Variants in CSTPP1 observed in about 807,000 individuals in gnomAD.
The protein encoded by CSTPP1 is centriolar satellite-associated tubulin polyglutamylase complex regulator 1, also known as UPF0705 protein C11orf49.
At chr11:47,120,768 C>T in the CSTPP1 span, among the ~76,000 whole-genome samples, 1 of 152,164 alleles carries the variant, frequency 6.6e-6, no homozygotes, top group Admixed American at 6.6e-5. The surrounding 1 kb of genome is among the most constrained non-coding windows in gnomAD (Gnocchi z 4.2). Flanking sequence ...TATAGGACTG[C>T]TGCGAGACAT....
the CSTPP1 span, among the ~76,000 whole-genome samples, chr11:46,961,674 A>AT: frequency 6.6e-6 from 1 of 152,156 alleles, no homozygotes; most frequent in African/African-American, 2.4e-5. Flanking sequence ...CTTTGTACCT[A>AT]TTTTTTATTC....
the CSTPP1 span, among the ~76,000 whole-genome samples, chr11:47,099,851 G>A: frequency 6.6e-6 from 1 of 152,194 alleles, no homozygotes; most frequent in East Asian, 1.9e-4. Context: ...TAGCAAATCA[G>A]TATTGGAACA....
the CSTPP1 span, among the ~76,000 whole-genome samples, chr11:47,107,509 G>A: frequency 9.2e-5 from 14 of 152,162 alleles, no homozygotes; most frequent in Non-Finnish European, 1.5e-4. Context: ...TGAACCTAAT[G>A]AATGCAGTCC....
chr11:47,088,376 GT>G, the CSTPP1 span, among the ~76,000 whole-genome samples: 1 of 152,090 alleles, frequency 6.6e-6, no homozygotes, highest in Admixed American at 6.5e-5. Flanking sequence ...ACCGGTGTGG[GT>G]AGGACAAGAT....
At chr11:47,153,657 G>A in the CSTPP1 span, among the ~76,000 whole-genome samples, 3 of 152,314 alleles carry the variant, frequency 2.0e-5, no homozygotes, top group Middle Eastern at 0.01. Context: ...AACGAATGCA[G>A]TTAAATACCT....
the CSTPP1 span, among the ~76,000 whole-genome samples, chr11:47,127,755 T>C: frequency 6.6e-6 from 1 of 152,194 alleles, no homozygotes; most frequent in East Asian, 1.9e-4. Context: ...TCATTATTCA[T>C]ACCATTATTA....
At chr11:47,161,620 A>C in the CSTPP1 span, 4 of 1,613,364 alleles carry the variant, frequency 2.5e-6, no homozygotes, top group South Asian at 4.4e-5. Flanking sequence ...CTGAAGAGAC[A>C]GACGAGTCGG....
chr11:47,022,557 G>T, the CSTPP1 span, among the ~76,000 whole-genome samples: 1 of 151,064 alleles, frequency 6.6e-6, no homozygotes, highest in African/African-American at 2.4e-5. Flanking sequence ...TTTAGTAGAG[G>T]CAGGGTTTCA....
chr11:46,974,539 A>G, the CSTPP1 span, among the ~76,000 whole-genome samples: 4 of 149,624 alleles, frequency 2.7e-5, no homozygotes, highest in African/African-American at 9.8e-5. Context: ...AAAAAAAAAA[A>G]AAAGAAAGAA....
chr11:47,153,993 G>A, the CSTPP1 span, among the ~76,000 whole-genome samples: 2 of 151,894 alleles, frequency 1.3e-5, no homozygotes, highest in African/African-American at 4.8e-5. Flanking sequence ...GGGCTGGAGT[G>A]CAGTGGTGTG....
chr11:47,056,004 G>A, the CSTPP1 span, among the ~76,000 whole-genome samples: 1 of 152,158 alleles, frequency 6.6e-6, no homozygotes, highest in Non-Finnish European at 1.5e-5. Context: ...ATCTTTCCCA[G>A]TCCCTCACTC....
At chr11:47,117,885 T>C in the CSTPP1 span, among the ~76,000 whole-genome samples, 7 of 139,664 alleles carry the variant, frequency 5.0e-5, no homozygotes, top group African/African-American at 1.6e-4. Flanking sequence ...TTCTTTTTTT[T>C]TTTTTTTTTT....
At chr11:47,044,276 C>G in the CSTPP1 span, among the ~76,000 whole-genome samples, 40 of 152,160 alleles carry the variant, frequency 2.6e-4, no homozygotes, top group African/African-American at 9.4e-4. Flanking sequence ...TGTGAGCCAC[C>G]GCTCCTGGAC....
At chr11:46,988,849 C>T in the CSTPP1 span, among the ~76,000 whole-genome samples, 1 of 152,094 alleles carries the variant, frequency 6.6e-6, no homozygotes, top group Non-Finnish European at 1.5e-5. Context: ...TATACACCTA[C>T]TATGTACCCA....
chr11:46,995,361 G>A, the CSTPP1 span, among the ~76,000 whole-genome samples: 2 of 152,112 alleles, frequency 1.3e-5, no homozygotes, highest in Non-Finnish European at 2.9e-5. Context: ...TCTTTTAATT[G>A]TGATGTTAGG....
chr11:46,985,576 G>A, the CSTPP1 span, among the ~76,000 whole-genome samples: 1 of 152,108 alleles, frequency 6.6e-6, no homozygotes, highest in Non-Finnish European at 1.5e-5. Context: ...AGTTTGTCAG[G>A]AAACCTCTGT....
chr11:46,995,583 G>T, the CSTPP1 span, among the ~76,000 whole-genome samples: 23 of 152,102 alleles, frequency 1.5e-4, no homozygotes. Context: ...GTAGTTGATT[G>T]GTTTTGAGAG....
At chr11:46,996,026 A>G in the CSTPP1 span, among the ~76,000 whole-genome samples, 1 of 152,126 alleles carries the variant, frequency 6.6e-6, no homozygotes, top group Non-Finnish European at 1.5e-5. Context: ...CTTTACCATT[A>G]TGTAATGGCC....
At chr11:47,075,122 G>A in the CSTPP1 span, among the ~76,000 whole-genome samples, 3 of 152,134 alleles carry the variant, frequency 2.0e-5, no homozygotes, top group Non-Finnish European at 2.9e-5. Context: ...TGTAATCCCA[G>A]GACTTTGGGG....
Sources: gnomAD v4.1 joint callset for allele counts (sites outside exome capture counted in the v4.1 genomes callset) on GRCh38, gnomAD v4.1.1 for gene constraint, Gnocchi (gnomAD v3.1) non-coding constraint, MANE v1.5 for transcripts, NCBI Gene and HGNC (gene_info 2026-07-23, HGNC 2026-07-21) for gene names.